Variants in RGS7BP observed in about 807,000 individuals in gnomAD.
RGS7BP encodes regulator of G protein signaling 7 binding protein.
RGS7BP carries 9 observed loss-of-function variants against 31.3 expected under a neutral mutation model. The ratio of observed to expected loss-of-function variants is 0.29; its 90% confidence interval spans 0.17 to 0.50. The LOEUF is 0.50. Ranked by LOEUF, RGS7BP falls within the 20% of genes least tolerant of loss-of-function variation. The probability of loss-of-function intolerance (pLI) is 0.98; values close to 1 mark genes in which losing one functional copy is unlikely to be tolerated. For synonymous variants in RGS7BP, 115 were observed against 120.1 expected (o/e 0.96, Z 0.28); for missense variants, 274 against 322.0 (o/e 0.85, Z 1.14).
intron 2 of RGS7BP, among the ~76,000 whole-genome samples, chr5:64,513,721 A>C (rs1279105607): frequency 6.6e-6 from 1 of 152,094 alleles, no homozygotes; most frequent in Non-Finnish European, 1.5e-5. Context: ...AGTAAAAGGG[A>C]CCTGTGGTTG....
At chr5:64,565,236 G>C (rs1016225741) in intron 2 of RGS7BP, among the ~76,000 whole-genome samples, 11 of 152,068 alleles carry the variant, frequency 7.2e-5, no homozygotes, top group African/African-American at 2.7e-4. Flanking sequence ...AATTCACTTA[G>C]AAAGGGTAAG....
chr5:64,526,453 C>A (rs1046684276), intron 2 of RGS7BP, among the ~76,000 whole-genome samples: 1 of 152,164 alleles, frequency 6.6e-6, no homozygotes, highest in Admixed American at 6.5e-5. Flanking sequence ...ACTTTGCCTC[C>A]AGACACTTGT....
rs556278267 is a variant in RGS7BP at position 64,605,222 on chromosome 5, T to C, written c.683-3939T>C. The stretch of plus-strand genomic sequence containing the variant: ...GAGAGTGAGTACTTTGGAGAAAAGA[T>C]GATATAAAAGTCTTAATTAGAAGCC... On this transcript the variant is annotated intron_variant, in intron 5 of 5. Coordinates refer to ENST00000334025, the MANE Select transcript of RGS7BP (RefSeq NM_001029875.3). Among the ~76,000 whole-genome samples, 129 of 152,226 alleles carry C rather than the reference T, an allele frequency of 8.5e-4. 1 individual carries two copies. Among genetic ancestry groups the C allele is most frequent in the African/African-American group, 3.0e-3 (124 of 41,550 alleles).
chr5:64,599,578 G>A (rs991391545), intron 5 of RGS7BP, among the ~76,000 whole-genome samples: 1 of 152,222 alleles, frequency 6.6e-6, no homozygotes. Context: ...CAGCACATCA[G>A]ATAGCTCAGA....
At chr5:64,560,027 A>G (rs990048085) in intron 2 of RGS7BP, among the ~76,000 whole-genome samples, 4 of 152,168 alleles carry the variant, frequency 2.6e-5, no homozygotes, top group African/African-American at 9.6e-5. Context: ...CTGAATTCTA[A>G]TCAGTCTAAA....
chr5:64,544,149 G>A (rs1741591229), intron 2 of RGS7BP, among the ~76,000 whole-genome samples: 1 of 152,150 alleles, frequency 6.6e-6, no homozygotes, highest in East Asian at 1.9e-4. Context: ...CAATGTGTCA[G>A]GCATTGTATT....
chr5:64,543,210 A>T (rs532337282), intron 2 of RGS7BP, among the ~76,000 whole-genome samples: 55 of 152,230 alleles, frequency 3.6e-4, no homozygotes, highest in Non-Finnish European at 5.9e-4. Flanking sequence ...TATTTTGTGT[A>T]TTGAGCCAGA....
In RGS7BP at chr5:64,506,726, G is replaced by A. The variant is rs1748690565; in HGVS notation, c.102G>A (p.Glu34=). 1.9e-6 allele frequency: 3 copies of A among 1,608,304 alleles called. No individual in the cohort carries two copies. Among genetic ancestry groups the A allele is most frequent in the Non-Finnish European group, 2.6e-6 (3 of 1,175,322 alleles). The change falls in exon 1 of 6, where the codon GAG becomes GAA. Residue 34 remains glutamate (E), a synonymous_variant. Transcript: ENST00000334025. The surrounding 1 kb of genome is among the most constrained non-coding windows in gnomAD (Gnocchi z 4.6). ...SKPPLQSGDW[E]RRGSGSESAH... is the part of the protein sequence containing the mutation. ...CCCCGCTGCAGAGCGGAGATTGGGAGCGCAGGGGCAGCGGCTCCGAGAGCG... is the reference window on the plus strand; with the variant it reads ...CCCCGCTGCAGAGCGGAGATTGGGAACGCAGGGGCAGCGGCTCCGAGAGCG...
At chr5:64,602,715 G>GAC (rs372239684) in intron 5 of RGS7BP, among the ~76,000 whole-genome samples, 5 of 151,864 alleles carry the variant, frequency 3.3e-5, no homozygotes, top group South Asian at 4.2e-4. Context: ...TACATATGCA[G>GAC]ACACACACAC....
intron 2 of RGS7BP, among the ~76,000 whole-genome samples, chr5:64,540,626 A>G (rs1157736601): frequency 2.6e-5 from 4 of 152,218 alleles, no homozygotes; most frequent in Admixed American, 2.6e-4. Flanking sequence ...ACCTCCAAAA[A>G]GATTATACTA....
intron 3 of RGS7BP, among the ~76,000 whole-genome samples, chr5:64,576,477 G>A (rs1742434283): frequency 1.3e-5 from 2 of 152,178 alleles, no homozygotes; most frequent in African/African-American, 2.4e-5. Context: ...TGCCTTCTGG[G>A]TGTTGGCTTT....
At chr5:64,577,556 T>C (rs1055882868) in intron 3 of RGS7BP, among the ~76,000 whole-genome samples, 3 of 152,214 alleles carry the variant, frequency 2.0e-5, no homozygotes, top group African/African-American at 7.2e-5. Context: ...TATGTGAATA[T>C]TATATCTTTC....
chr5:64,571,170 T>C (rs1742293417), intron 2 of RGS7BP, among the ~76,000 whole-genome samples: 1 of 152,178 alleles, frequency 6.6e-6, no homozygotes, highest in African/African-American at 2.4e-5. Flanking sequence ...AATGAAATCA[T>C]ACAGTATTTA....
intron 2 of RGS7BP, among the ~76,000 whole-genome samples, chr5:64,571,023 C>T (rs1742289986): frequency 6.6e-6 from 1 of 152,004 alleles, no homozygotes; most frequent in African/African-American, 2.4e-5. Flanking sequence ...AATGTATACA[C>T]CCGTGTAACT....
chr5:64,519,873 C>T (rs1408090357), intron 2 of RGS7BP, among the ~76,000 whole-genome samples: 2 of 152,166 alleles, frequency 1.3e-5, no homozygotes, highest in Admixed American at 1.3e-4. Flanking sequence ...ACAGAGTGGC[C>T]TCATCATAGA....
chr5:64,584,369 A>C (rs375985349), intron 3 of RGS7BP, among the ~76,000 whole-genome samples: 4 of 152,362 alleles, frequency 2.6e-5, no homozygotes, highest in African/African-American at 7.2e-5. Context: ...TAATTCTAAG[A>C]AACTATTACA....
intron 3 of RGS7BP, among the ~76,000 whole-genome samples, chr5:64,582,606 T>C (rs1742630766): frequency 6.6e-6 from 1 of 152,132 alleles, no homozygotes; most frequent in Non-Finnish European, 1.5e-5. Flanking sequence ...TGTGCTACCA[T>C]GGTAAATACA....
intron 5 of RGS7BP, chr5:64,601,561 T>C: frequency 2.4e-6 from 1 of 411,198 alleles, no homozygotes; most frequent in Non-Finnish European, 3.3e-6. Flanking sequence ...GGCCAAGAGA[T>C]GCACGAAAGA....
At chr5:64,532,089 A>G (rs748547540) in intron 2 of RGS7BP, among the ~76,000 whole-genome samples, 1 of 152,162 alleles carries the variant, frequency 6.6e-6, no homozygotes, top group African/African-American at 2.4e-5. Flanking sequence ...ATTTCGTTTC[A>G]TAAGTCTTTT....
Sources: allele counts gnomAD v4.1 joint callset (sites outside exome capture counted in the v4.1 genomes callset), GRCh38; gene constraint gnomAD v4.1.1; non-coding constraint Gnocchi (gnomAD v3.1); transcripts MANE v1.5; gene names NCBI Gene and HGNC (gene_info 2026-07-23, HGNC 2026-07-21).